Variants in MSN observed in about 807,000 individuals in gnomAD.
MSN encodes the protein epididymis luminal protein 70.
MSN carries 2 observed loss-of-function variants against 48.0 expected under a neutral mutation model. That is an observed-to-expected ratio of 0.04 (90% CI 0.02 to 0.13). MSN has a LOEUF of 0.13. Among genes scored for constraint, MSN ranks in the 10% least tolerant of loss-of-function variants. The pLI, the probability that MSN is intolerant of heterozygous loss-of-function variation, is 1.00. For synonymous variants in MSN, 146 were observed against 166.9 expected (o/e 0.87, Z 0.97); for missense variants, 267 against 470.1 (o/e 0.57, Z 3.99).
At chrX:65,718,125 TA>T (rs2071484123) in intron 2 of MSN, among the ~76,000 whole-genome samples, 1 of 111,033 alleles carries the variant, frequency 9.0e-6, no homozygotes, top group South Asian at 3.9e-4. Context: ...TGCTAAGTAT[TA>T]TGATAAGCAT....
intron 1 of MSN, among the ~76,000 whole-genome samples, chrX:65,631,210 C>T (rs2070554780): frequency 9.1e-6 from 1 of 110,124 alleles, no homozygotes; most frequent in Non-Finnish European, 1.9e-5. Flanking sequence ...ATTCTCCTGC[C>T]TCAGCTTCGA....
chrX:65,639,417 T>C (rs964625276), intron 1 of MSN, among the ~76,000 whole-genome samples: 4 of 112,423 alleles, frequency 3.6e-5, no homozygotes, highest in Non-Finnish European at 7.5e-5. Flanking sequence ...AGTGCTGGGA[T>C]TACAGGCGTG....
At chrX:65,696,719 T>C (rs1339853691) in intron 1 of MSN, among the ~76,000 whole-genome samples, 1 of 111,296 alleles carries the variant, frequency 9.0e-6, no homozygotes, top group East Asian at 2.8e-4. Flanking sequence ...GCAGGATAGG[T>C]TAAATAGTTT....
intron 1 of MSN, among the ~76,000 whole-genome samples, chrX:65,629,385 T>C (rs2070536166): frequency 8.9e-6 from 1 of 112,128 alleles, no homozygotes; most frequent in African/African-American, 3.2e-5. Context: ...CTTTCCCACA[T>C]TTTCCTGTCT....
At chrX:65,655,742 G>C (rs770093788) in intron 1 of MSN, among the ~76,000 whole-genome samples, 5 of 112,500 alleles carry the variant, frequency 4.4e-5, no homozygotes, top group Non-Finnish European at 9.4e-5. Flanking sequence ...TTTCATGATA[G>C]CTTGTGGTTT....
intron 1 of MSN, among the ~76,000 whole-genome samples, chrX:65,670,955 T>TATATATATA (rs2070935037): frequency 3.7e-5 from 2 of 54,419 alleles, no homozygotes; most frequent in Non-Finnish European, 6.7e-5. Flanking sequence ...TATATATATA[T>TATATATATA]TTAAAAAGGC....
At chrX:65,626,115 C>T (rs1413525467) in intron 1 of MSN, among the ~76,000 whole-genome samples, 8 of 110,281 alleles carry the variant, frequency 7.3e-5, no homozygotes, top group Non-Finnish European at 1.1e-4. Flanking sequence ...CCACCATGCC[C>T]GGCTAATTTT....
At chrX:65,629,290 G>A (rs1233287812) in intron 1 of MSN, among the ~76,000 whole-genome samples, 1 of 111,112 alleles carries the variant, frequency 9.0e-6, no homozygotes, top group African/African-American at 3.3e-5. Context: ...CGCCATCTGA[G>A]ACCACCTCAG....
intron 1 of MSN, among the ~76,000 whole-genome samples, chrX:65,648,700 G>A (rs971741861): frequency 3.7e-5 from 4 of 108,938 alleles, no homozygotes; most frequent in Admixed American, 9.9e-5. Context: ...GTGAAACCCC[G>A]TCTCTACTAA....
chrX:65,599,526 G>A (rs765875538), intron 1 of MSN, among the ~76,000 whole-genome samples: 11 of 111,948 alleles, frequency 9.8e-5, no homozygotes, highest in South Asian at 7.4e-4. Flanking sequence ...CCAACTACTC[G>A]GTAGGCTGAG....
At chrX:65,661,175 G>A (rs1190858449) in intron 1 of MSN, among the ~76,000 whole-genome samples, 1 of 111,094 alleles carries the variant, frequency 9.0e-6, no homozygotes, top group Non-Finnish European at 1.9e-5. Context: ...TGTTGGCCAG[G>A]CTGGTCTCGA....
chrX:65,603,818 G>T, intron 1 of MSN, among the ~76,000 whole-genome samples: 1 of 111,687 alleles, frequency 9.0e-6, no homozygotes, highest in South Asian at 3.7e-4. Flanking sequence ...GGCAAAAAGT[G>T]AGCCTACAAT....
At position 65,739,071 on chromosome X, in the gene MSN, G is replaced by A; in HGVS notation, c.1446G>A (p.Glu482=). 3.3e-6 allele frequency: 4 copies of A among 1,211,984 alleles called. No individual in the cohort carries two copies. The highest frequency in any genetic ancestry group is 4.3e-5 in the Admixed American group (2 of 46,074). The change falls in exon 12 of 13, where the codon GAG becomes GAA. Residue 482 remains glutamate, a synonymous_variant. Coordinates refer to ENST00000360270, the MANE Select transcript of MSN (RefSeq NM_002444.3). ...VAEPAENEQD[E]QDENGAEASA... ...AGCCTGCTGAGAATGAGCAGGATGAGCAGGATGAGAATGGGGCAGAGGCTA... is the reference window on the plus strand; with the variant it reads ...AGCCTGCTGAGAATGAGCAGGATGAACAGGATGAGAATGGGGCAGAGGCTA...
intron 1 of MSN, among the ~76,000 whole-genome samples, chrX:65,626,430 G>T (rs1047347661): frequency 3.6e-5 from 4 of 111,161 alleles, no homozygotes; most frequent in African/African-American, 9.8e-5. Flanking sequence ...CTTTCTTCAG[G>T]GTTTGCTGTT....
chrX:65,600,202 C>T (rs904155483), intron 1 of MSN, among the ~76,000 whole-genome samples: 3 of 111,226 alleles, frequency 2.7e-5, no homozygotes, highest in Non-Finnish European at 3.8e-5. Context: ...GCTGTCTTTT[C>T]CTAGCTTATG....
chrX:65,598,309 GAGAC>G (rs1450696794), intron 1 of MSN, among the ~76,000 whole-genome samples: 4 of 109,578 alleles, frequency 3.7e-5, no homozygotes, highest in Admixed American at 2.0e-4. Flanking sequence ...GCAGGAATTA[GAGAC>G]AGACAGAAAC....
In MSN at chrX:65,716,873, A is replaced by G. The variant is rs1208693016; in HGVS notation, c.68A>G (p.Asn23Ser). 5.8e-6 allele frequency: 7 copies of G among 1,207,424 alleles called. No homozygotes were observed. The East Asian group carries it at 1.8e-4, about 31-fold the overall frequency. ...DAELEFAIQP[N>S]TTGKQLFDQV... Reference sequence around the variant, plus strand: ...GAGCTGGAGTTTGCCATCCAGCCCAACACCACCGGGAAGCAGCTATTTGAC... The same window carrying G: ...GAGCTGGAGTTTGCCATCCAGCCCAGCACCACCGGGAAGCAGCTATTTGAC... Residue 23 changes from asparagine (N) to serine (S), a missense_variant, in exon 2 of 13, where the codon AAC (asparagine) becomes AGC (serine). Physicochemically the swap from Asn to Ser is conservative, Grantham distance 46. Around this residue, in one of 5 missense-constraint regions of MSN, gnomAD observed 89 missense variants for 151.0 expected, o/e 0.59. Transcript: ENST00000360270.
chrX:65,621,335 A>G (rs190079568), intron 1 of MSN, among the ~76,000 whole-genome samples: 12 of 112,192 alleles, frequency 1.1e-4, no homozygotes, highest in Non-Finnish European at 2.1e-4. Flanking sequence ...TAGAAGTTCA[A>G]TTGTCCTGGC....
intron 1 of MSN, among the ~76,000 whole-genome samples, chrX:65,628,195 G>A (rs770173362): frequency 8.0e-5 from 9 of 112,823 alleles, no homozygotes; most frequent in Non-Finnish European, 1.3e-4. Flanking sequence ...CCCCAGTAGG[G>A]ACTCTGTGTG....
Sources: gnomAD v4.1 joint callset for allele counts (sites outside exome capture counted in the v4.1 genomes callset) on GRCh38, gnomAD v4.1.1 for gene constraint, gnomAD v4.1.1 regional missense constraint, MANE v1.5 for transcripts, NCBI Gene and HGNC (gene_info 2026-07-23, HGNC 2026-07-21) for gene names.